The following ECE1 variants were observed in gnomAD, a reference collection of about 807,000 sequenced individuals.
ECE1 encodes endothelin converting enzyme 1, also known as endothelin-converting enzyme 1.
ECE1 carries 35 observed loss-of-function variants against 98.6 expected under a neutral mutation model. That is an observed-to-expected ratio of 0.35 (90% confidence interval 0.27 to 0.47). ECE1 has a LOEUF of 0.47. ECE1 is among the 20% of genes least tolerant of loss of function. ECE1 has a pLI of 1.00. For synonymous variants in ECE1, 394 were observed against 407.1 expected (o/e 0.97, Z 0.39); for missense variants, 814 against 1,025.3 (o/e 0.79, Z 2.81).
chr1:21,289,964 G>A (rs1465887363), intron 2 of ECE1, 106 bp downstream of exon 2: 6 of 1,232,922 alleles, frequency 4.9e-6, no homozygotes, highest in South Asian at 2.6e-5. Flanking sequence ...GGGAGGGGAA[G>A]GGAGGGGAAG....
At chr1:21,236,403 G>A (rs1573944689) in intron 12 of ECE1, among the ~76,000 whole-genome samples, 1 of 152,240 alleles carries the variant, frequency 6.6e-6, no homozygotes, top group African/African-American at 2.4e-5. Flanking sequence ...TAATGCCAGC[G>A]CTTTGGCAGG....
At chr1:21,279,536 A>C in intron 2 of ECE1, 1 of 1,453,996 alleles carries the variant, frequency 6.9e-7, no homozygotes, top group East Asian at 2.5e-5. Flanking sequence ...TCTGCTCCCA[A>C]ACATCAGAGA....
chr1:21,227,155 G>A lies in ECE1; in HGVS notation c.1849+4C>T, dbSNP rs375172359. 29 of 1,613,646 alleles carry A rather than the reference G, an allele frequency of 1.8e-5. No individual in the cohort carries two copies. In the African/African-American group the frequency reaches 3.2e-4, roughly 18 times the overall value. On this transcript the variant is annotated splice_donor_region_variant and intron_variant, in intron 16 of 18. Transcript: ENST00000374893. ...GAGCCATCGTGCCCAGCTGGAATTCGTACCTTGATCATCAAAAGCATGAGT... is the reference window on the plus strand; with the variant it reads ...GAGCCATCGTGCCCAGCTGGAATTCATACCTTGATCATCAAAAGCATGAGT...
intron 11 of ECE1, 106 bp downstream of exon 11, chr1:21,238,026 GCC>G (rs2098190530): frequency 1.0e-6 from 1 of 1,001,588 alleles, no homozygotes; most frequent in African/African-American, 1.6e-5. Flanking sequence ...AAGGTCCCCT[GCC>G]CAGGAGCAGG....
chr1:21,284,181 G>A (rs190224706), intron 2 of ECE1, among the ~76,000 whole-genome samples: 44 of 152,330 alleles, frequency 2.9e-4, no homozygotes, highest in Middle Eastern at 3.4e-3. Context: ...GAGGGGATCC[G>A]TGAGATGAGG....
chr1:21,301,495 AAAACAAACAAAC>A (rs139949223), intron 1 of ECE1, among the ~76,000 whole-genome samples: 2 of 150,742 alleles, frequency 1.3e-5, no homozygotes, highest in Non-Finnish European at 3.0e-5. Context: ...TCCGTCTCAA[AAAACAAACAAAC>A]AAACAAACAA....
rs532744888 is a variant in ECE1, at chr1:21,259,265, G to C, written c.616-426C>G. On this transcript the variant is annotated intron_variant, in intron 5 of 18. Transcript: ENST00000374893. The stretch of plus-strand genomic sequence containing the variant: ...CGGTCTACTTTAGTCTCAAAGTTGG[G>C]ATTTTAAAAAAATTTTTTTTGAGAT... Among the ~76,000 whole-genome samples the C allele has an allele frequency of 1.5e-4, 23 of 152,262 alleles. No homozygotes were observed. In the East Asian group the frequency reaches 2.9e-3, roughly 19 times the overall value.
At chr1:21,284,054 T>C (rs904542473) in intron 2 of ECE1, among the ~76,000 whole-genome samples, 3 of 152,064 alleles carry the variant, frequency 2.0e-5, no homozygotes, top group Non-Finnish European at 4.4e-5. Flanking sequence ...CTGGGTGCAA[T>C]GGAAAGGGCT....
chr1:21,320,375 C>T (rs1401416937), intron 1 of ECE1, among the ~76,000 whole-genome samples: 1 of 152,114 alleles, frequency 6.6e-6, no homozygotes, highest in Non-Finnish European at 1.5e-5. Flanking sequence ...GCGCTAAGCA[C>T]GTTGCCTGCA....
At chr1:21,341,070 G>A (rs903511368) in intron 1 of ECE1, among the ~76,000 whole-genome samples, 1 of 149,492 alleles carries the variant, frequency 6.7e-6, no homozygotes, top group African/African-American at 2.5e-5. Context: ...AGTCCCACTC[G>A]CTCTTTAGGT....
Position 21,235,976 on chromosome 1 carries a change from C to T in ECE1, c.1489-49G>A, listed in dbSNP as rs567658427. 9 of 1,569,270 alleles carry T rather than the reference C, an allele frequency of 5.7e-6. No homozygotes were observed. The African/African-American group carries it at 1.1e-4, about 19-fold the overall frequency. Reference sequence around the variant, plus strand: ...TGAGTGCCCGGCAACATCGACCAGGCCAGCCTGAGCAACTTGGGTGCTGGG... The same window carrying T: ...TGAGTGCCCGGCAACATCGACCAGGTCAGCCTGAGCAACTTGGGTGCTGGG... On this transcript the variant is annotated intron_variant, in intron 12 of 18. Transcript: ENST00000374893. This position sits in a 1 kb window ranked among gnomAD's most constrained non-coding sequence, Gnocchi z 4.2.
At chr1:21,310,661 G>T (rs1305305526) in intron 1 of ECE1, among the ~76,000 whole-genome samples, 1 of 152,190 alleles carries the variant, frequency 6.6e-6, no homozygotes. Flanking sequence ...GACCCCACCC[G>T]AGCTTCCAGG....
Position 21,279,196 on chromosome 1 carries a change from T to C in ECE1, c.275A>G (p.Gln92Arg), listed in dbSNP as rs1381599992. 4 of 1,614,000 alleles carry C rather than the reference T, an allele frequency of 2.5e-6. No individual in the cohort carries two copies. Among genetic ancestry groups the C allele is most frequent in the South Asian group, 2.2e-5 (2 of 91,092 alleles). ...TGCAACACGAAGGCACCTACTTGTCTGGTACTGGATGCCCAGTGCTGCCAA... is the reference window on the plus strand; with the variant it reads ...TGCAACACGAAGGCACCTACTTGTCCGGTACTGGATGCCCAGTGCTGCCAA... ...ACLAALGIQY[Q>R]TRSPSVCLSE... Residue 92 changes from glutamine to arginine, a missense_variant, in exon 3 of 19, where the codon CAG becomes CGG. Transcript: ENST00000374893.
chr1:21,269,284 C>A (rs1447109355), intron 4 of ECE1, among the ~76,000 whole-genome samples: 1 of 152,170 alleles, frequency 6.6e-6, no homozygotes, highest in Non-Finnish European at 1.5e-5. Flanking sequence ...GTAAAATGTG[C>A]AAATGCAGCC....
At chr1:21,237,109 G>A (rs1043259325) in intron 11 of ECE1, among the ~76,000 whole-genome samples, 2 of 152,132 alleles carry the variant, frequency 1.3e-5, no homozygotes, top group African/African-American at 4.8e-5. Context: ...AGTCTCTGCT[G>A]TGGTACTTTT....
rs375931957 is a variant in ECE1, at chr1:21,225,200, G to C, written c.2040+50C>G. ...GATGATCCTCTACGGACAGGCATCT[G>C]GAAGGAGCCAGCACTGGGACCGTGC... On this transcript the variant is annotated intron_variant, in intron 17 of 18. Transcript: ENST00000374893. This position sits in a 1 kb window ranked among gnomAD's most constrained non-coding sequence, Gnocchi z 5.3. 196 of 1,603,950 alleles carry C rather than the reference G, an allele frequency of 1.2e-4. No homozygotes were observed. The African/African-American group carries it at 2.3e-3, about 18-fold the overall frequency.
At chr1:21,324,007 A>T (rs1307961838) in intron 1 of ECE1, among the ~76,000 whole-genome samples, 2 of 151,834 alleles carry the variant, frequency 1.3e-5, no homozygotes, top group African/African-American at 4.8e-5. Context: ...TTTTTAGTAG[A>T]GATGGGTTTT....
chr1:21,254,035 C>A (rs1311787450), intron 8 of ECE1, among the ~76,000 whole-genome samples: 5 of 146,302 alleles, frequency 3.4e-5, no homozygotes, highest in African/African-American at 1.3e-4. Context: ...TGCCACTGCA[C>A]TCCATCCTGG....
chr1:21,301,844 AAAAAAAAAAAG>A (rs1358509224), intron 1 of ECE1, among the ~76,000 whole-genome samples: 1 of 150,140 alleles, frequency 6.7e-6, no homozygotes, highest in African/African-American at 2.5e-5. Flanking sequence ...AAAAAAAAAA[AAAAAAAAAAAG>A]GCCAATTCAA....
Sources: gnomAD v4.1 joint callset for allele counts (sites outside exome capture counted in the v4.1 genomes callset) on GRCh38, gnomAD v4.1.1 for gene constraint, Gnocchi (gnomAD v3.1) non-coding constraint, MANE v1.5 for transcripts, NCBI Gene and HGNC (gene_info 2026-07-23, HGNC 2026-07-21) for gene names.